MAG: variants seen among roughly 807,000 people sequenced by gnomAD.
MAG encodes the protein myelin associated glycoprotein.
A neutral mutation model predicts 60.7 loss-of-function variants in MAG; 30 were observed. That is an observed-to-expected ratio of 0.49 (90% CI 0.37 to 0.67). The LOEUF (loss-of-function observed/expected upper bound fraction) is 0.67. Among genes scored for constraint, MAG ranks in the 30% least tolerant of loss-of-function variants. The pLI is 0.00. For synonymous variants in MAG, 384 were observed against 376.8 expected (o/e 1.02, Z -0.22); for missense variants, 795 against 851.7 (o/e 0.93, Z 0.83).
chr19:35,309,062 T>C (rs1382857940), intron 7 of MAG, among the ~76,000 whole-genome samples: 1 of 152,148 alleles, frequency 6.6e-6, no homozygotes, highest in African/African-American at 2.4e-5. Context: ...TGATCTGATT[T>C]ATGTATTACA....
chr19:35,300,745 T>C (rs139070352), intron 6 of MAG, among the ~76,000 whole-genome samples: 6 of 152,302 alleles, frequency 3.9e-5, no homozygotes, highest in African/African-American at 9.6e-5. Flanking sequence ...TAAAATTTTT[T>C]TGGAGACAAG....
intron 7 of MAG, among the ~76,000 whole-genome samples, chr19:35,307,315 G>A (rs375217812): frequency 4.6e-5 from 7 of 152,186 alleles, no homozygotes; most frequent in East Asian, 3.8e-4. Context: ...GTCCACCACC[G>A]TTACCGGCAC....
intron 4 of MAG, among the ~76,000 whole-genome samples, chr19:35,298,142 A>G (rs775378564): frequency 6.6e-6 from 1 of 150,956 alleles, no homozygotes; most frequent in African/African-American, 2.4e-5. Context: ...CATGCTACCC[A>G]CACATCAAAC....
In MAG at chr19:35,313,629, T is replaced by A; in HGVS notation, c.*175T>A. On this transcript the variant is annotated 3_prime_UTR_variant, in exon 11 of 11. Coordinates refer to ENST00000392213, the MANE Select transcript of MAG (RefSeq NM_002361.4). ...CCCCTCCTTCCCAGCTGCCCCTCCC[T>A]GCCAGCACCCCCACGCCCTCATTAC... 1.7e-6 allele frequency: 1 copy of A among 603,880 alleles called. No homozygotes were observed. Among genetic ancestry groups the A allele is most frequent in the Non-Finnish European group, 2.9e-6 (1 of 345,422 alleles). 37.4% of individuals were successfully genotyped at this position (603,880 alleles called of 1,614,324 possible).
At chr19:35,310,745 T>C in intron 9 of MAG, 102 bp downstream of exon 9, 1 of 941,714 alleles carries the variant, frequency 1.1e-6, no homozygotes, top group Non-Finnish European at 1.7e-6. Context: ...GCACCATAAG[T>C]GTAGAGAAGG....
rs1330992733 is a variant in MAG at position 35,299,836 on chromosome 19, G to C, written c.698G>C (p.Ser233Thr). ...ACCCTGCAGTTCGAGGGCTACGCCA[G>C]CATGGACGTCAAGTGTGAGCCTGGG... is the stretch of plus-strand genomic sequence containing the variant. The part of the protein sequence containing the change: ...NTTLQFEGYA[S>T]MDVKYPPVIV... Residue 233 changes from serine to threonine, a missense_variant, in exon 5 of 11, where the codon AGC becomes ACC. Ser to Thr is a moderately conservative substitution (Grantham distance 58). Transcript: ENST00000392213. 1 of 1,489,696 alleles carries C rather than the reference G, an allele frequency of 6.7e-7. No individual in the cohort carries two copies. Among genetic ancestry groups the C allele is most frequent in the Non-Finnish European group, 8.9e-7 (1 of 1,117,994 alleles). The allele number at this position is 1,489,696 out of a possible 1,614,324, so 92.3% of individuals were successfully genotyped here.
rs147354231 is a variant in MAG at position 35,295,426 on chromosome 19, A to G, written c.18A>G (p.Ala6=). The change falls in exon 3 of 11, where the codon GCA becomes GCG. Residue 6 remains alanine, a synonymous_variant. Transcript: ENST00000392213. The surrounding 1 kb of genome is among the most constrained non-coding windows in gnomAD (Gnocchi z 5.8). ...TGTACAGAATGATATTCCTCACGGC[A>G]CTGCCTCTGTTCTGGATTATGATTT... MIFLT[A]LPLFWIMISA... The G allele has an allele frequency of 5.9e-4, 959 of 1,613,880 alleles. 2 individuals carry two copies. The highest frequency in any genetic ancestry group is 7.2e-4 in the Non-Finnish European group (845 of 1,179,988).
intron 1 of MAG, 136 bp downstream of exon 1, chr19:35,292,340 T>C (rs1228131621): frequency 2.3e-6 from 1 of 432,766 alleles, no homozygotes; most frequent in Non-Finnish European, 4.7e-6. Flanking sequence ...TGCAGGAGTG[T>C]GTGGCTTGGG....
chr19:35,309,641 C>T (rs1336910318), intron 7 of MAG, among the ~76,000 whole-genome samples: 1 of 152,090 alleles, frequency 6.6e-6, no homozygotes, highest in Non-Finnish European at 1.5e-5. Flanking sequence ...TGTTCAAGGC[C>T]CCAGGCGTGG....
intron 7 of MAG, among the ~76,000 whole-genome samples, chr19:35,304,606 T>C (rs1281278941): frequency 6.6e-6 from 1 of 152,142 alleles, no homozygotes; most frequent in Non-Finnish European, 1.5e-5. Flanking sequence ...AGTGGCACGA[T>C]CTTGGCTCAC....
chr19:35,295,370 T>C lies in MAG; in HGVS notation c.-23-16T>C. On this transcript the variant is annotated splice_polypyrimidine_tract_variant and intron_variant, in intron 2 of 10. Transcript: ENST00000392213. The surrounding 1 kb of genome is among the most constrained non-coding windows in gnomAD (Gnocchi z 5.8). ...TCACTTCCCCCAGCCTTTAACCCTC[T>C]CCTCTCCCTTTCCAGCGATCACTCA... The C allele has an allele frequency of 6.2e-7, 1 of 1,611,876 alleles. No homozygotes were observed. The highest frequency in any genetic ancestry group is 8.5e-7 in the Non-Finnish European group (1 of 1,178,948).
rs2066519937 is a variant in MAG at position 35,310,601 on chromosome 19, T to A, written c.1574T>A (p.Ile525Asn). 1 of 1,614,118 alleles carries A rather than the reference T, an allele frequency of 6.2e-7. No individual in the cohort carries two copies. The highest frequency in any genetic ancestry group is 2.2e-5 in the East Asian group (1 of 44,870). Residue 525 changes from isoleucine (I) to asparagine (N), a missense_variant, in exon 9 of 11, where the codon ATC becomes AAC. Transcript: ENST00000392213. Reference protein sequence around the residue: ...GPVGAVVAFAILIAIVCYITQ... With the variant: ...GPVGAVVAFANLIAIVCYITQ... Reference sequence around the variant, plus strand: ...GTGGGCGCCGTGGTCGCCTTTGCCATCCTGATTGCCATCGTCTGCTACATT... The same window carrying A: ...GTGGGCGCCGTGGTCGCCTTTGCCAACCTGATTGCCATCGTCTGCTACATT...
At chr19:35,304,891 A>G (rs2066473031) in intron 7 of MAG, among the ~76,000 whole-genome samples, 1 of 152,160 alleles carries the variant, frequency 6.6e-6, no homozygotes, top group Non-Finnish European at 1.5e-5. Context: ...GGGGTGTGTT[A>G]TAATTATCCC....
chr19:35,312,889 A>G (rs2066539102), intron 10 of MAG, among the ~76,000 whole-genome samples: 1 of 152,074 alleles, frequency 6.6e-6, no homozygotes, highest in Non-Finnish European at 1.5e-5. Context: ...AATACAAAAA[A>G]TTAGCCAGGC....
At position 35,313,615 on chromosome 19, in the gene MAG, C is replaced by T. The variant is rs2066545946; in HGVS notation, c.*161C>T. The T allele has an allele frequency of 1.6e-6, 1 of 641,736 alleles. No individual in the cohort carries two copies. The highest frequency in any genetic ancestry group is 2.6e-6 in the Non-Finnish European group (1 of 380,788). The allele number at this position is 641,736 out of a possible 1,614,324, so 39.8% of individuals were successfully genotyped here. On this transcript the variant is annotated 3_prime_UTR_variant, in exon 11 of 11. Transcript: ENST00000392213. ...GGGGGCCTGACCTCCCCCTCCTTCCCAGCTGCCCCTCCCTGCCAGCACCCC... is the reference window on the plus strand; with the variant it reads ...GGGGGCCTGACCTCCCCCTCCTTCCTAGCTGCCCCTCCCTGCCAGCACCCC...
chr19:35,310,415 C>A, intron 8 of MAG, 132 bp from the exon 9 acceptor site: 1 of 871,304 alleles, frequency 1.1e-6, no homozygotes, highest in Non-Finnish European at 1.8e-6. Flanking sequence ...AGGCTCCGTG[C>A]CAATCAGTCA....
At chr19:35,292,552 C>T (rs980137484) in intron 1 of MAG, among the ~76,000 whole-genome samples, 1 of 151,930 alleles carries the variant, frequency 6.6e-6, no homozygotes, top group Non-Finnish European at 1.5e-5. Flanking sequence ...GAAGGATGTC[C>T]AGGTGATCAG....
At chr19:35,305,870 G>A (rs1308369329) in intron 7 of MAG, among the ~76,000 whole-genome samples, 7 of 152,274 alleles carry the variant, frequency 4.6e-5, no homozygotes, top group African/African-American at 1.7e-4. Flanking sequence ...CAGGAGAATC[G>A]CTTGAGCCCG....
chr19:35,305,755 G>T (rs1253955180), intron 7 of MAG, among the ~76,000 whole-genome samples: 1 of 152,216 alleles, frequency 6.6e-6, no homozygotes, highest in Non-Finnish European at 1.5e-5. Context: ...AGGAGTTCGA[G>T]ACCAGCCTGA....
Sources: allele counts gnomAD v4.1 joint callset (sites outside exome capture counted in the v4.1 genomes callset), GRCh38; gene constraint gnomAD v4.1.1; non-coding constraint Gnocchi (gnomAD v3.1); transcripts MANE v1.5; gene names NCBI Gene and HGNC (gene_info 2026-07-23, HGNC 2026-07-21).